ACTN2: variants seen among roughly 807,000 people sequenced by gnomAD.
ACTN2 encodes the protein alpha-actinin-2.
In ACTN2, 39 loss-of-function variants were observed where a neutral mutation model predicts 113.8. The ratio of observed to expected loss-of-function variants is 0.34; its 90% CI spans 0.27 to 0.45. The LOEUF is 0.45. ACTN2 is among the 20% of genes least tolerant of loss of function. The pLI, the probability that ACTN2 is intolerant of heterozygous loss-of-function variation, is 1.00. For missense variants in ACTN2, 992 were observed against 1,177.9 expected (o/e 0.84, Z 2.31); for synonymous variants, 429 against 444.1 (o/e 0.97, Z 0.43).
chr1:236,724,796 C>CGGCACATT (rs1283745686), intron 4 of ACTN2, among the ~76,000 whole-genome samples: 2 of 148,020 alleles, frequency 1.4e-5, no homozygotes, highest in Non-Finnish European at 3.0e-5. Flanking sequence ...GACGTCTGAG[C>CGGCACATT]GGCACATTTT....
intron 14 of ACTN2, among the ~76,000 whole-genome samples, chr1:236,749,868 A>G (rs1009227286): frequency 6.6e-6 from 1 of 152,178 alleles, no homozygotes; most frequent in Non-Finnish European, 1.5e-5. Flanking sequence ...CAAAATAAAC[A>G]TATGTGCTCT....
At chr1:236,747,419 G>A (rs565395265) in intron 12 of ACTN2, among the ~76,000 whole-genome samples, 5 of 152,126 alleles carry the variant, frequency 3.3e-5, no homozygotes, top group African/African-American at 1.2e-4. Context: ...GGGTTTTTAG[G>A]GTAGACATCA....
intron 4 of ACTN2, among the ~76,000 whole-genome samples, chr1:236,722,572 T>C (rs1572116892): frequency 1.4e-5 from 2 of 143,148 alleles, no homozygotes; most frequent in East Asian, 4.1e-4. Flanking sequence ...GAGGTGGAGG[T>C]TGCAGTGAGC....
intron 12 of ACTN2, among the ~76,000 whole-genome samples, chr1:236,746,206 G>C (rs888727254): frequency 6.7e-6 from 1 of 148,536 alleles, no homozygotes; most frequent in African/African-American, 2.5e-5. Flanking sequence ...AAAAGAAAAC[G>C]AACTTAAGCT....
Position 236,755,115 on chromosome 1 carries a change from A to G in ACTN2, c.2071A>G (p.Asn691Asp). The change falls in exon 17 of 21, where the codon AAC becomes GAC. Residue 691 changes from asparagine to aspartate, a missense_variant. By Grantham distance (23) the Asn-to-Asp change is conservative. This residue lies in a region of ACTN2 where 736 missense variants were observed against 815.4 expected (regional missense o/e 0.90). Transcript: ENST00000366578. Reference sequence around the variant, plus strand: ...GCACAACATCATCAACTATAAGAACAACATCGACAAGCTGGAGGGAGACCA... The same window carrying G: ...GCACAACATCATCAACTATAAGAACGACATCGACAAGCTGGAGGGAGACCA... ...YEHNIINYKN[N>D]IDKLEGDHQL... is the part of the protein sequence containing the mutation. The G allele has an allele frequency of 6.2e-7, 1 of 1,614,180 alleles. No individual in the cohort carries two copies. Among genetic ancestry groups the G allele is most frequent in the South Asian group, 1.1e-5 (1 of 91,084 alleles).
At chr1:236,743,672 G>A (rs1659141523) in intron 11 of ACTN2, among the ~76,000 whole-genome samples, 1 of 151,830 alleles carries the variant, frequency 6.6e-6, no homozygotes, top group Admixed American at 6.6e-5. Context: ...TTTGAGATTG[G>A]GGAGATTTTT....
intron 1 of ACTN2, among the ~76,000 whole-genome samples, chr1:236,716,835 ATTT>A (rs36142948): frequency 1.7e-5 from 2 of 116,324 alleles, no homozygotes; most frequent in Non-Finnish European, 3.3e-5. Context: ...CATTTTGAAC[ATTT>A]TTTTTTTTTT....
chr1:236,720,272 G>A (rs944253204), intron 4 of ACTN2, 81 bp downstream of exon 4: 1 of 1,113,674 alleles, frequency 9.0e-7, no homozygotes, highest in East Asian at 2.4e-5. Context: ...ATGTTTTAAA[G>A]TCCAACAGTC....
At chr1:236,701,924 TAA>T (rs1300148856) in intron 1 of ACTN2, among the ~76,000 whole-genome samples, 1 of 152,218 alleles carries the variant, frequency 6.6e-6, no homozygotes, top group Non-Finnish European at 1.5e-5. Context: ...TGGAGGCCTT[TAA>T]GAACTTGGTA....
chr1:236,699,620 T>C (rs1170127483), intron 1 of ACTN2, among the ~76,000 whole-genome samples: 1 of 152,182 alleles, frequency 6.6e-6, no homozygotes, highest in Admixed American at 6.5e-5. Flanking sequence ...ATTAGAGTTA[T>C]CCTCCTACGG....
intron 17 of ACTN2, 35 bp from the exon 18 acceptor site, chr1:236,757,451 A>T: frequency 6.2e-7 from 1 of 1,613,880 alleles, no homozygotes; most frequent in Non-Finnish European, 8.5e-7. Context: ...TGCTGGAGAG[A>T]CTTAGAACTG....
At chr1:236,697,760 C>CTTTT (rs750251378) in intron 1 of ACTN2, among the ~76,000 whole-genome samples, 2 of 125,034 alleles carry the variant, frequency 1.6e-5, no homozygotes, top group African/African-American at 3.0e-5. Context: ...GAAACAAGTT[C>CTTTT]TTTTTTTTTT....
rs1572114654 is a variant in ACTN2 at position 236,720,157 on chromosome 1, C to T, written c.414C>T (p.Ile138=). Residue 138 remains isoleucine (I), a synonymous_variant, in exon 4 of 21, where the codon ATC becomes ATT. Transcript: ENST00000366578. The stretch of plus-strand genomic sequence containing the variant: ...CCCTGGGTATGATCTGGACCATCAT[C>T]CTTCGCTTTGCTATTCAGGATATTT... ...KMTLGMIWTI[I]LRFAIQDISV... 1 of 1,613,776 alleles carries T rather than the reference C, an allele frequency of 6.2e-7. No homozygotes were observed. Among genetic ancestry groups the T allele is most frequent in the African/African-American group, 1.3e-5 (1 of 75,046 alleles).
At chr1:236,728,206 T>C (rs534123615) in intron 6 of ACTN2, among the ~76,000 whole-genome samples, 4 of 149,038 alleles carry the variant, frequency 2.7e-5, no homozygotes, top group African/African-American at 9.9e-5. Context: ...TGCAGTGGTG[T>C]GATCTCGGCT....
At chr1:236,743,569 CT>C (rs59813567) in intron 11 of ACTN2, among the ~76,000 whole-genome samples, 6,094 of 142,844 alleles carry the variant, frequency 0.043, 300 homozygotes, top group African/African-American at 0.12. Context: ...GAATATGGCC[CT>C]TTTTTTTTTT....
intron 9 of ACTN2, among the ~76,000 whole-genome samples, chr1:236,739,039 G>GT (rs1184583092): frequency 4.6e-5 from 7 of 152,046 alleles, no homozygotes; most frequent in Admixed American, 2.6e-4. Context: ...TGAGTTTCTT[G>GT]TAAACGTCAC....
At chr1:236,721,075 TG>T (rs1658381185) in intron 4 of ACTN2, among the ~76,000 whole-genome samples, 11 of 130,318 alleles carry the variant, frequency 8.4e-5, no homozygotes, top group Admixed American at 8.2e-4. Context: ...GCACCCAGGC[TG>T]GAGTTCAGTG....
intron 6 of ACTN2, 102 bp downstream of exon 6, chr1:236,727,858 C>G: frequency 9.0e-7 from 1 of 1,111,628 alleles, no homozygotes; most frequent in Non-Finnish European, 1.4e-6. Flanking sequence ...CCCAGGGCCA[C>G]CTGCAGAAAC....
At chr1:236,745,816 G>C (rs1041856841) in intron 12 of ACTN2, among the ~76,000 whole-genome samples, 3 of 152,044 alleles carry the variant, frequency 2.0e-5, no homozygotes, top group African/African-American at 7.3e-5. Flanking sequence ...TCACATAATG[G>C]TAACTTCAAA....
Sources: gnomAD v4.1 joint callset for allele counts (sites outside exome capture counted in the v4.1 genomes callset) on GRCh38, gnomAD v4.1.1 for gene constraint, gnomAD v4.1.1 regional missense constraint, MANE v1.5 for transcripts, NCBI Gene and HGNC (gene_info 2026-07-23, HGNC 2026-07-21) for gene names.